The following FBXO36 variants were observed in gnomAD, a reference collection of about 807,000 sequenced individuals.
FBXO36 encodes F-box protein 36.
Under a neutral mutation model 17.0 loss-of-function variants are expected in FBXO36, and 18 were observed. The ratio of observed to expected loss-of-function variants is 1.06; its 90% confidence interval spans 0.73 to 1.57. The LOEUF is 1.57. Ranked by LOEUF, FBXO36 falls within the 40% of genes most tolerant of loss-of-function variation. The pLI is 0.00. For missense variants in FBXO36, 229 were observed against 221.9 expected (o/e 1.03, Z -0.20); for synonymous variants, 83 against 85.3 (o/e 0.97, Z 0.15).
intron 1 of FBXO36, among the ~76,000 whole-genome samples, chr2:229,927,794 T>C (rs1577324091): frequency 6.8e-6 from 1 of 147,006 alleles, no homozygotes; most frequent in African/African-American, 2.5e-5. Context: ...CTAAAAAAAA[T>C]GGCAATTATT....
chr2:229,997,049 C>T (rs758196179), intron 3 of FBXO36, 126 bp downstream of exon 3: 58 of 827,146 alleles, frequency 7.0e-5, no homozygotes, highest in Non-Finnish European at 1.0e-4. Context: ...GCACAAGCAG[C>T]AGAGATGAAA....
chr2:229,968,176 T>C (rs939141634), intron 1 of FBXO36, among the ~76,000 whole-genome samples: 4 of 151,006 alleles, frequency 2.6e-5, no homozygotes, highest in Non-Finnish European at 5.9e-5. Flanking sequence ...ATTTTATAAT[T>C]ATTTATATTT....
rs1453671601 is a variant in FBXO36, at chr2:229,938,673, T to C, written c.96+16064T>C. Among the ~76,000 whole-genome samples the C allele has an allele frequency of 2.7e-5, 4 of 149,458 alleles. No individual in the cohort carries two copies. In the East Asian group the frequency reaches 7.8e-4, roughly 29 times the overall value. ...CCATCATGCCGGGCTAATTTTTGTA[T>C]TTTTTGTATAGATGGGGTTGTAGAG... On this transcript the variant is annotated intron_variant, in intron 1 of 3. Coordinates refer to ENST00000283946, the MANE Select transcript of FBXO36 (RefSeq NM_174899.5).
chr2:230,007,744 A>G (rs908091833), intron 3 of FBXO36, among the ~76,000 whole-genome samples: 1 of 152,042 alleles, frequency 6.6e-6, no homozygotes, highest in Non-Finnish European at 1.5e-5. Context: ...CTACAGGCGC[A>G]TGCCACCATA....
rs2077417209 is a variant in FBXO36, at chr2:230,011,699, C to G, written c.*815C>G. ...CCTGACCTCAAGTGATCTACCTGCTCTGGCTTCCAAAGTGCTGGGATTACA... is the reference window on the plus strand; with the variant it reads ...CCTGACCTCAAGTGATCTACCTGCTGTGGCTTCCAAAGTGCTGGGATTACA... On this transcript the variant is annotated 3_prime_UTR_variant, in exon 4 of 4. Coordinates refer to ENST00000283946, the MANE Select transcript of FBXO36 (RefSeq NM_174899.5). 1 of 148,266 alleles carries G rather than the reference C, an allele frequency of 6.7e-6. No homozygotes were observed. Among genetic ancestry groups the G allele is most frequent in the South Asian group, 2.1e-4 (1 of 4,746 alleles). 9.2% of individuals were successfully genotyped at this position (148,266 alleles called of 1,614,324 possible).
intron 1 of FBXO36, among the ~76,000 whole-genome samples, chr2:229,949,491 G>C (rs2077043738): frequency 6.6e-6 from 1 of 151,560 alleles, no homozygotes; most frequent in Non-Finnish European, 1.5e-5. Flanking sequence ...TATAAGAAGA[G>C]ATTATAGACA....
At chr2:230,009,663 G>A (rs879305335) in intron 3 of FBXO36, among the ~76,000 whole-genome samples, 33 of 152,130 alleles carry the variant, frequency 2.2e-4, no homozygotes, top group African/African-American at 6.8e-4. Context: ...TACAACTTCC[G>A]GCCGGGCACG....
chr2:229,967,423 G>C (rs1213157287), intron 1 of FBXO36, among the ~76,000 whole-genome samples: 1 of 152,192 alleles, frequency 6.6e-6, no homozygotes, highest in African/African-American at 2.4e-5. Flanking sequence ...TGTTGAATAG[G>C]AGTGGTGAGA....
At chr2:229,999,626 C>T (rs1378583958) in intron 3 of FBXO36, among the ~76,000 whole-genome samples, 1 of 151,498 alleles carries the variant, frequency 6.6e-6, no homozygotes, top group East Asian at 1.9e-4. Flanking sequence ...GATCCTCCCA[C>T]CTCAGCCTCC....
At chr2:229,943,468 G>C (rs1436741170) in intron 1 of FBXO36, among the ~76,000 whole-genome samples, 2 of 152,262 alleles carry the variant, frequency 1.3e-5, no homozygotes, top group East Asian at 3.9e-4. Context: ...GCAGTGTGAA[G>C]CTGAGTCTTT....
At chr2:229,984,614 T>A (rs192893809) in intron 2 of FBXO36, among the ~76,000 whole-genome samples, 3 of 152,028 alleles carry the variant, frequency 2.0e-5, no homozygotes, top group Admixed American at 6.6e-5. Flanking sequence ...GGTCTCGATC[T>A]CCTGATCTTG....
chr2:229,957,173 G>T (rs561976455), intron 1 of FBXO36, among the ~76,000 whole-genome samples: 66 of 152,234 alleles, frequency 4.3e-4, no homozygotes, highest in African/African-American at 1.6e-3. Context: ...TAGCAGATAG[G>T]CACTGAAAAG....
At chr2:229,980,657 A>G (rs2077233908) in intron 2 of FBXO36, among the ~76,000 whole-genome samples, 1 of 152,044 alleles carries the variant, frequency 6.6e-6, no homozygotes, top group Non-Finnish European at 1.5e-5. Context: ...GATTCACTTC[A>G]GGATAACTAC....
intron 1 of FBXO36, among the ~76,000 whole-genome samples, chr2:229,950,192 C>T (rs2077049996): frequency 6.6e-6 from 1 of 152,086 alleles, no homozygotes; most frequent in Non-Finnish European, 1.5e-5. Flanking sequence ...CTTTGGGAGC[C>T]TGAGGTGGGT....
At chr2:229,994,768 C>T (rs2077316446) in intron 2 of FBXO36, among the ~76,000 whole-genome samples, 1 of 152,152 alleles carries the variant, frequency 6.6e-6, no homozygotes, top group African/African-American at 2.4e-5. Flanking sequence ...GTTTTGGGGC[C>T]CCTGTGATCT....
intron 1 of FBXO36, among the ~76,000 whole-genome samples, chr2:229,971,930 G>GGC (rs757380137): frequency 6.6e-6 from 1 of 151,308 alleles, no homozygotes; most frequent in Non-Finnish European, 1.5e-5. Context: ...CTCCTGCCTT[G>GGC]GCCTCCCAAA....
intron 1 of FBXO36, among the ~76,000 whole-genome samples, chr2:229,945,852 G>A (rs2077024154): frequency 6.6e-6 from 1 of 151,538 alleles, no homozygotes; most frequent in African/African-American, 2.4e-5. Flanking sequence ...GGGAAACCCT[G>A]TCTCTACGAA....
intron 2 of FBXO36, among the ~76,000 whole-genome samples, chr2:229,980,708 G>A (rs1371229625): frequency 1.3e-5 from 2 of 152,106 alleles, no homozygotes; most frequent in South Asian, 2.1e-4. Flanking sequence ...GCAATATAGC[G>A]AAGATTTTAT....
intron 2 of FBXO36, among the ~76,000 whole-genome samples, chr2:229,982,643 C>T (rs2077246486): frequency 6.6e-6 from 1 of 151,710 alleles, no homozygotes; most frequent in Non-Finnish European, 1.5e-5. Context: ...CTCGTCTCTA[C>T]TAAAAATACA....
Sources: allele counts gnomAD v4.1 joint callset (sites outside exome capture counted in the v4.1 genomes callset), GRCh38; gene constraint gnomAD v4.1.1; transcripts MANE v1.5; gene names NCBI Gene and HGNC (gene_info 2026-07-23, HGNC 2026-07-21).